Variants in CAND1 observed in about 807,000 individuals in gnomAD.
CAND1 encodes the protein cullin-associated NEDD8-dissociated protein 1.
Under a neutral mutation model 108.5 loss-of-function variants are expected in CAND1, and 7 were observed. The ratio of observed to expected loss-of-function variants is 0.06; its 90% CI spans 0.04 to 0.12. The LOEUF is 0.12. CAND1 is among the 10% of genes least tolerant of loss of function. CAND1 has a pLI of 1.00. For synonymous variants in CAND1, 534 were observed against 512.0 expected (o/e 1.04, Z -0.58); for missense variants, 941 against 1,448.7 (o/e 0.65, Z 5.69).
intron 6 of CAND1, 113 bp from the exon 7 acceptor site, chr12:67,298,837 T>A (rs2044794764): frequency 1.5e-6 from 1 of 657,564 alleles, no homozygotes; most frequent in Non-Finnish European, 2.8e-6. Flanking sequence ...TGGTGCTAGA[T>A]AGTCTGGGAA....
chr12:67,304,565 C>T (rs1592621798), intron 8 of CAND1, 40 bp from the exon 9 acceptor site: 1 of 1,599,150 alleles, frequency 6.3e-7, no homozygotes, highest in South Asian at 1.1e-5. Context: ...TGAGGAAATA[C>T]CAACAGCTGA....
intron 4 of CAND1, among the ~76,000 whole-genome samples, chr12:67,296,802 G>A (rs1216565741): frequency 6.6e-6 from 1 of 151,168 alleles, no homozygotes; most frequent in Non-Finnish European, 1.5e-5. Flanking sequence ...GGTTGTTGTT[G>A]TTTGTGTTTG....
At chr12:67,310,440 A>G (rs1592626577) in intron 13 of CAND1, 124 bp downstream of exon 13, 1 of 688,988 alleles carries the variant, frequency 1.5e-6, no homozygotes, top group South Asian at 2.0e-5. Flanking sequence ...TTTGATAAGC[A>G]TATTGTAAAC....
In CAND1 at chr12:67,305,254, G is replaced by C; in HGVS notation, c.1586G>C (p.Gly529Ala). The C allele has an allele frequency of 6.2e-7, 1 of 1,614,098 alleles. No homozygotes were observed. The highest frequency in any genetic ancestry group is 8.5e-7 in the Non-Finnish European group (1 of 1,180,016). Residue 529 changes from glycine (G) to alanine (A), a missense_variant, in exon 10 of 15, where the codon GGA becomes GCA. Physicochemically the swap from Gly to Ala is moderately conservative, Grantham distance 60. Around this residue, in one of 9 missense-constraint regions of CAND1, gnomAD observed 697 missense variants for 942.0 expected, o/e 0.74. Transcript: ENST00000545606. This position sits in a 1 kb window ranked among gnomAD's most constrained non-coding sequence, Gnocchi z 4.4. ...GTTCCTCCAGTGGTGGCTTGTGTTGGAGACCCATTTTACAAAATTACATCT... is the reference window on the plus strand; with the variant it reads ...GTTCCTCCAGTGGTGGCTTGTGTTGCAGACCCATTTTACAAAATTACATCT... Reference protein sequence around the residue: ...ALVPPVVACVGDPFYKITSEA... With the variant: ...ALVPPVVACVADPFYKITSEA...
At chr12:67,282,446 A>G (rs991290745) in intron 2 of CAND1, among the ~76,000 whole-genome samples, 4 of 152,116 alleles carry the variant, frequency 2.6e-5, no homozygotes, top group Admixed American at 6.5e-5. Context: ...TAATAATAAC[A>G]TTCTTTTTTT....
intron 1 of CAND1, among the ~76,000 whole-genome samples, chr12:67,281,052 G>T (rs1410794692): frequency 2.6e-5 from 4 of 151,982 alleles, no homozygotes; most frequent in South Asian, 4.2e-4. Context: ...ACCAGCCTGG[G>T]CAACATGGTG....
At chr12:67,272,361 T>C (rs979065804) in intron 1 of CAND1, among the ~76,000 whole-genome samples, 2 of 152,210 alleles carry the variant, frequency 1.3e-5, no homozygotes, top group Non-Finnish European at 2.9e-5. Flanking sequence ...TTTTCACTTC[T>C]GAGAGGCATG....
Position 67,299,136 on chromosome 12 carries a change from G to A in CAND1, c.1000+41G>A, listed in dbSNP as rs769898396. 68 of 1,472,394 alleles carry A rather than the reference G, an allele frequency of 4.6e-5. 3 individuals carry two copies. In the South Asian group the frequency reaches 9.0e-4, roughly 20 times the overall value. 91.2% of individuals were successfully genotyped at this position (1,472,394 alleles called of 1,614,324 possible). ...TAGAATCTTTTGAGTTTTTGTGAAA[G>A]ACACTTATAGATGGAGATGATTCTT... On this transcript the variant is annotated intron_variant, in intron 7 of 14. Coordinates refer to ENST00000545606, the MANE Select transcript of CAND1 (RefSeq NM_018448.5).
Position 67,306,140 on chromosome 12 carries a change from T to C in CAND1, c.2472T>C (p.Asp824=). The C allele has an allele frequency of 6.2e-7, 1 of 1,614,160 alleles. No individual in the cohort carries two copies. Among genetic ancestry groups the C allele is most frequent in the Non-Finnish European group, 8.5e-7 (1 of 1,179,994 alleles). The change falls in exon 10 of 15, where the codon GAT becomes GAC. Residue 824 remains aspartate, a synonymous_variant. Transcript: ENST00000545606. ...GPAVVGQFIQ[D]VKNSRSTDSI... ...CTGTAGTAGGTCAGTTTATTCAAGA[T>C]GTCAAGAACTCAAGGTCTACAGATT... is the stretch of plus-strand genomic sequence containing the variant.
intron 1 of CAND1, among the ~76,000 whole-genome samples, chr12:67,272,557 T>C (rs1018063676): frequency 6.6e-6 from 1 of 152,234 alleles, no homozygotes; most frequent in East Asian, 1.9e-4. Flanking sequence ...AATTGTAATA[T>C]TTCTTTTGTG....
At position 67,304,653 on chromosome 12, in the gene CAND1, G is replaced by T; in HGVS notation, c.1342G>T (p.Val448Leu). The T allele has an allele frequency of 6.2e-7, 1 of 1,613,898 alleles. No individual in the cohort carries two copies. Among genetic ancestry groups the T allele is most frequent in the Non-Finnish European group, 8.5e-7 (1 of 1,179,944 alleles). The change falls in exon 9 of 15, where the codon GTG becomes TTG. Residue 448 changes from valine (V) to leucine (L), a missense_variant. Around this residue, in one of 9 missense-constraint regions of CAND1, gnomAD observed 697 missense variants for 942.0 expected, o/e 0.74. Coordinates refer to ENST00000545606, the MANE Select transcript of CAND1 (RefSeq NM_018448.5). ...ALHKQMKEKS[V>L]KTRQCCFNML... The stretch of plus-strand genomic sequence containing the variant: ...TCACAAACAGATGAAAGAAAAAAGT[G>T]TGAAGACCCGACAGTGTTGTTTTAA...
chr12:67,269,990 C>A (rs967483530), intron 1 of CAND1: 1 of 531,676 alleles, frequency 1.9e-6, no homozygotes, highest in Non-Finnish European at 3.3e-6. Context: ...CATTCTTTCT[C>A]CTAGGCAGTT....
intron 1 of CAND1, among the ~76,000 whole-genome samples, chr12:67,278,910 G>A (rs3850600): frequency 0.048 from 7,240 of 152,226 alleles, 213 homozygotes; most frequent in Non-Finnish European, 0.058. Flanking sequence ...AATTTAAAAA[G>A]TTAATATGCC....
In CAND1 at chr12:67,313,754, G is replaced by C. The variant is rs2044978965; in HGVS notation, c.*924G>C. On this transcript the variant is annotated 3_prime_UTR_variant, in exon 15 of 15. Transcript: ENST00000545606. ...TTCCACTTAGAAATTCTTAAAACCA[G>C]ATTTTTCTTTCATTCCGTTTGGATG... 1 of 152,474 alleles carries C rather than the reference G, an allele frequency of 6.6e-6. No individual in the cohort carries two copies. The allele number at this position is 152,474 out of a possible 1,614,324, so 9.4% of individuals were successfully genotyped here. A position where few individuals can be genotyped will look rare whatever the true frequency, so the allele number is the denominator to read the frequency against.
intron 1 of CAND1, 138 bp from the exon 2 acceptor site, chr12:67,281,772 T>C (rs2044622367): frequency 3.5e-6 from 2 of 572,218 alleles, no homozygotes; most frequent in Admixed American, 7.7e-5. Context: ...ATGATCACTT[T>C]TTTTAAAAAG....
intron 9 of CAND1, 100 bp downstream of exon 9, chr12:67,304,846 G>A (rs2044862511): frequency 1.4e-6 from 2 of 1,385,918 alleles, no homozygotes; most frequent in Admixed American, 2.5e-5. Context: ...GAATATATGT[G>A]ACAACTTAAT....
chr12:67,303,340 CTGTATCTATCTTGT>C (rs2136015089), intron 8 of CAND1, among the ~76,000 whole-genome samples: 1 of 152,166 alleles, frequency 6.6e-6, no homozygotes, highest in East Asian at 1.9e-4. Flanking sequence ...GACACACATA[CTGTATCTATCTTGT>C]TTTTAAGTAG....
rs762522247 is a variant in CAND1 at position 67,305,330 on chromosome 12, T to A, written c.1662T>A (p.Asp554Glu). 1.2e-5 allele frequency: 19 copies of A among 1,614,054 alleles called. No homozygotes were observed. Among genetic ancestry groups the A allele is most frequent in the Non-Finnish European group, 1.5e-5 (18 of 1,180,012 alleles). Reference sequence around the variant, plus strand: ...TTGTCAAAGTAATTCGTCCTTTAGATCAGCCTTCCTCGTTTGATGCAACTC... The same window carrying A: ...TTGTCAAAGTAATTCGTCCTTTAGAACAGCCTTCCTCGTTTGATGCAACTC... Reference protein sequence around the residue: ...QQLVKVIRPLDQPSSFDATPY... With the variant: ...QQLVKVIRPLEQPSSFDATPY... Residue 554 changes from aspartate (D) to glutamate (E), a missense_variant, in exon 10 of 15, where the codon GAT (aspartate) becomes GAA (glutamate). By Grantham distance (45) the Asp-to-Glu change is conservative (BLOSUM62 2). Transcript: ENST00000545606. This position sits in a 1 kb window ranked among gnomAD's most constrained non-coding sequence, Gnocchi z 4.4.
In CAND1 at chr12:67,314,598, A is replaced by G. The variant is rs1256533213; in HGVS notation, c.*1768A>G. 1 of 152,254 alleles carries G rather than the reference A, an allele frequency of 6.6e-6. No individual in the cohort carries two copies. The highest frequency in any genetic ancestry group is 1.5e-5 in the Non-Finnish European group (1 of 68,046). The allele number at this position is 152,254 out of a possible 1,614,324, so 9.4% of individuals were successfully genotyped here. A position where few individuals can be genotyped will look rare whatever the true frequency, so the allele number is the denominator to read the frequency against. On this transcript the variant is annotated 3_prime_UTR_variant, in exon 15 of 15. Transcript: ENST00000545606. ...TTACATGGTTTTACAATAAATTACA[A>G]TACTGCAGGCTCTAGGACTGAACAG...
Sources: gnomAD v4.1 joint callset for allele counts (sites outside exome capture counted in the v4.1 genomes callset) on GRCh38, gnomAD v4.1.1 for gene constraint, gnomAD v4.1.1 regional missense constraint, Gnocchi (gnomAD v3.1) non-coding constraint, MANE v1.5 for transcripts, NCBI Gene and HGNC (gene_info 2026-07-23, HGNC 2026-07-21) for gene names.